Variants in PKD1L1 observed in about 807,000 individuals in gnomAD.
PKD1L1 encodes the protein polycystin-1-like protein 1.
Under a neutral mutation model 323.4 loss-of-function variants are expected in PKD1L1, and 236 were observed. The observed-to-expected ratio is 0.73, with a 90% CI of 0.66 to 0.81. The LOEUF (loss-of-function observed/expected upper bound fraction) is 0.81, where lower values mean the gene tolerates loss of function less well. Ranked by LOEUF, PKD1L1 falls within the 40% of genes least tolerant of loss-of-function variation. PKD1L1 has a pLI of 0.00. For missense variants in PKD1L1, 3,320 were observed against 3,508.0 expected (o/e 0.95, Z 1.35); for synonymous variants, 1,344 against 1,335.0 (o/e 1.01, Z -0.15).
rs200510702 is a variant in PKD1L1 at position 47,777,454 on chromosome 7, AC to A, written c.8527-2289del. 1.8e-3 allele frequency among the ~76,000 whole-genome samples: 273 copies of A among 152,340 alleles called. 5 individuals carry two copies. Among genetic ancestry groups the A allele is most frequent in the African/African-American group, 6.4e-3 (267 of 41,586 alleles). On this transcript the variant is annotated intron_variant, in intron 56 of 56. Coordinates refer to ENST00000289672, the MANE Select transcript of PKD1L1 (RefSeq NM_138295.5). ...CTCCATCCTGAGGCAAAGCCAGCAC[AC>A]AGCAGAATGCAGAGATGGCATCTGC...
In PKD1L1 at chr7:47,827,373, C is replaced by T; in HGVS notation, c.6831G>A (p.Glu2277=). Residue 2277 remains glutamate, a synonymous_variant, in exon 45 of 57, where the codon GAG becomes GAA. Transcript: ENST00000289672. ...LRGTRQRMRR[E]SRTRAALRDI... is the part of the protein sequence containing the mutation. ...ACCTCAGGGCAGCCCGTGTGCGACTCTCTCTCCTCATCCTCTGTCTGGTGC... is the reference window on the plus strand; with the variant it reads ...ACCTCAGGGCAGCCCGTGTGCGACTTTCTCTCCTCATCCTCTGTCTGGTGC... 2 of 1,613,076 alleles carry T rather than the reference C, an allele frequency of 1.2e-6. No individual in the cohort carries two copies. Among genetic ancestry groups the T allele is most frequent in the Non-Finnish European group, 8.5e-7 (1 of 1,179,672 alleles).
At position 47,878,125 on chromosome 7, in the gene PKD1L1, C is replaced by T. The variant is rs898229726; in HGVS notation, c.3521-494G>A. Among the ~76,000 whole-genome samples, 9 of 152,126 alleles carry T rather than the reference C, an allele frequency of 5.9e-5. No homozygotes were observed. Among genetic ancestry groups the T allele is most frequent in the Admixed American group, 2.0e-4 (3 of 15,276 alleles). ...CCACATACACACGTACGTACAGCTT[C>T]GTTGAATGTATAGCACCAATACAAT... is the stretch of plus-strand genomic sequence containing the variant. On this transcript the variant is annotated intron_variant, in intron 21 of 56. Transcript: ENST00000289672.
chr7:47,897,414 T>C (rs1402738221), intron 14 of PKD1L1, among the ~76,000 whole-genome samples: 1 of 152,234 alleles, frequency 6.6e-6, no homozygotes, highest in Admixed American at 6.5e-5. Flanking sequence ...TCTTCTAGCC[T>C]TTGCCAAGCT....
intron 24 of PKD1L1, among the ~76,000 whole-genome samples, chr7:47,872,275 T>A (rs1315964892): frequency 6.6e-6 from 1 of 152,202 alleles, no homozygotes; most frequent in Non-Finnish European, 1.5e-5. Context: ...TGCTTTGTTT[T>A]TGCAGAAATC....
chr7:47,945,612 G>C (rs1425089670), intron 1 of PKD1L1, among the ~76,000 whole-genome samples: 1 of 152,118 alleles, frequency 6.6e-6, no homozygotes, highest in Non-Finnish European at 1.5e-5. Flanking sequence ...GGACAACTTT[G>C]GAATCATACA....
intron 6 of PKD1L1, among the ~76,000 whole-genome samples, chr7:47,930,504 C>T (rs1787746572): frequency 7.0e-6 from 1 of 143,766 alleles, no homozygotes. Context: ...GACTCCCTCT[C>T]GAAAAAAAAA....
chr7:47,809,349 G>A (rs946600566), intron 51 of PKD1L1, 124 bp downstream of exon 51: 1 of 692,530 alleles, frequency 1.4e-6, no homozygotes, highest in East Asian at 2.8e-5. Flanking sequence ...ACACTACAGA[G>A]GGAGAAAACT....
intron 29 of PKD1L1, 29 bp downstream of exon 29, chr7:47,855,126 G>C: frequency 6.2e-7 from 1 of 1,611,744 alleles, no homozygotes; most frequent in Non-Finnish European, 8.5e-7. Context: ...CCTAAATGAA[G>C]TAGAGATACT....
At chr7:47,789,195 G>T (rs777535016) in intron 56 of PKD1L1, among the ~76,000 whole-genome samples, 22 of 152,166 alleles carry the variant, frequency 1.4e-4, no homozygotes, top group Non-Finnish European at 2.6e-4. Context: ...TAATAGTTTG[G>T]TGTATTTTCT....
chr7:47,892,249 G>A (rs1364169590), intron 15 of PKD1L1, among the ~76,000 whole-genome samples: 1 of 152,196 alleles, frequency 6.6e-6, no homozygotes, highest in Non-Finnish European at 1.5e-5. Context: ...AATGAGTGAA[G>A]GCGGTGATGG....
chr7:47,874,213 G>A (rs1786351662), intron 23 of PKD1L1, among the ~76,000 whole-genome samples: 1 of 152,204 alleles, frequency 6.6e-6, no homozygotes, highest in Admixed American at 6.5e-5. Context: ...AGTTTGACCA[G>A]TTCCTACATG....
chr7:47,925,916 A>AC (rs11373591), intron 7 of PKD1L1, among the ~76,000 whole-genome samples: 35,530 of 152,146 alleles, frequency 0.23, 5,818 homozygotes, highest in African/African-American at 0.46. Flanking sequence ...CTTTTATAAT[A>AC]AATAGTGCAA....
At chr7:47,865,182 T>C (rs1375333479) in intron 26 of PKD1L1, 34 bp downstream of exon 26, 23 of 1,540,782 alleles carry the variant, frequency 1.5e-5, no homozygotes, top group Non-Finnish European at 1.8e-5. Flanking sequence ...CTATATAAAA[T>C]AGGAAAATAT....
intron 34 of PKD1L1, among the ~76,000 whole-genome samples, chr7:47,842,475 C>T (rs1315458023): frequency 2.0e-5 from 3 of 152,162 alleles, no homozygotes; most frequent in African/African-American, 7.2e-5. Flanking sequence ...CATGGCTCTG[C>T]CGGGCTCAAT....
At chr7:47,907,292 G>A (rs1787225932) in intron 9 of PKD1L1, among the ~76,000 whole-genome samples, 1 of 152,152 alleles carries the variant, frequency 6.6e-6, no homozygotes, top group Non-Finnish European at 1.5e-5. Flanking sequence ...TCCTGTTTCT[G>A]GGAAATGTGA....
chr7:47,799,421 AT>A (rs1784613378), intron 54 of PKD1L1, among the ~76,000 whole-genome samples: 1 of 152,170 alleles, frequency 6.6e-6, no homozygotes, highest in South Asian at 2.1e-4. Context: ...ACTGCAGAGA[AT>A]TTTTATCCAC....
At chr7:47,783,789 G>A (rs759796700) in intron 56 of PKD1L1, among the ~76,000 whole-genome samples, 1 of 152,182 alleles carries the variant, frequency 6.6e-6, no homozygotes, top group Non-Finnish European at 1.5e-5. Flanking sequence ...CAGACTACAA[G>A]AGAATAAATT....
chr7:47,943,346 A>G (rs569273759), intron 2 of PKD1L1, 50 bp downstream of exon 2: 21 of 1,438,694 alleles, frequency 1.5e-5, no homozygotes, highest in South Asian at 2.3e-5. Flanking sequence ...CCAGGGAAAT[A>G]AAGCAACATT....
At position 47,890,668 on chromosome 7, in the gene PKD1L1, G is replaced by A. The variant is rs1198907623; in HGVS notation, c.2549C>T (p.Ser850Phe). Residue 850 changes from serine to phenylalanine, a missense_variant, in exon 16 of 57, where the codon TCC becomes TTC. Physicochemically the swap from Ser to Phe is radical, Grantham distance 155. Coordinates refer to ENST00000289672, the MANE Select transcript of PKD1L1 (RefSeq NM_138295.5). ...GTCACTGAGCCATTGTGCCTCAAAG[G>A]AAACAGTGGGAGCCGCGGCATCCAG... ...HQLDAAAPTV[S>F]FEAQWLSDSY... 1 of 1,614,132 alleles carries A rather than the reference G, an allele frequency of 6.2e-7. No homozygotes were observed. Among genetic ancestry groups the A allele is most frequent in the Admixed American group, 1.7e-5 (1 of 60,032 alleles).
Sources: allele counts gnomAD v4.1 joint callset (sites outside exome capture counted in the v4.1 genomes callset), GRCh38; gene constraint gnomAD v4.1.1; transcripts MANE v1.5; gene names NCBI Gene and HGNC (gene_info 2026-07-23, HGNC 2026-07-21).